The following DENND2A variants were observed in gnomAD, a reference collection of about 807,000 sequenced individuals.
The protein encoded by DENND2A is DENN domain containing 2A, also known as DENN domain-containing protein 2A.
DENND2A carries 53 observed loss-of-function variants against 105.3 expected under a neutral mutation model. The ratio of observed to expected loss-of-function variants is 0.50; its 90% CI spans 0.40 to 0.63. The LOEUF is 0.63. DENND2A is among the 30% of genes least tolerant of loss of function. The pLI is 0.00. For synonymous variants in DENND2A, 522 were observed against 508.4 expected (o/e 1.03, Z -0.36); for missense variants, 1,138 against 1,279.6 (o/e 0.89, Z 1.69).
chr7:140,634,577 T>G (rs780809581), intron 1 of DENND2A, among the ~76,000 whole-genome samples: 35 of 152,084 alleles, frequency 2.3e-4, no homozygotes, highest in Non-Finnish European at 4.4e-4. Flanking sequence ...AAATTAGAAA[T>G]TTAAAATTTT....
At chr7:140,571,086 T>C (rs538329361) in intron 6 of DENND2A, among the ~76,000 whole-genome samples, 70 of 152,350 alleles carry the variant, frequency 4.6e-4, no homozygotes, top group African/African-American at 1.5e-3. Flanking sequence ...AAATGTTATA[T>C]AACACTTTTA....
chr7:140,591,671 C>CTCTTTCTTTCTTTCTTTCTT (rs890090370), intron 3 of DENND2A, among the ~76,000 whole-genome samples: 5 of 146,234 alleles, frequency 3.4e-5, no homozygotes, highest in African/African-American at 1.0e-4. Context: ...TTCTTTCTTT[C>CTCTTTCTTTCTTTCTTTCTT]TCTTTCTTTC....
At chr7:140,540,361 G>A (rs140774922) in intron 14 of DENND2A, among the ~76,000 whole-genome samples, 43 of 152,382 alleles carry the variant, frequency 2.8e-4, no homozygotes, top group African/African-American at 7.9e-4. Context: ...ACCCACTCAC[G>A]GCATGAGCCG....
chr7:140,555,780 G>C, intron 11 of DENND2A, 67 bp from the exon 12 acceptor site: 1 of 1,411,440 alleles, frequency 7.1e-7, no homozygotes, highest in Non-Finnish European at 9.7e-7. Context: ...GAACCCACAT[G>C]TTTTTTGCGA....
chr7:140,566,312 G>A (rs555161507), intron 9 of DENND2A, among the ~76,000 whole-genome samples: 44 of 152,268 alleles, frequency 2.9e-4, no homozygotes, highest in African/African-American at 9.1e-4. Flanking sequence ...GATTACAGGT[G>A]TGAGTCACCG....
chr7:140,573,049 T>C (rs188707418), intron 6 of DENND2A, among the ~76,000 whole-genome samples: 39 of 152,300 alleles, frequency 2.6e-4, no homozygotes, highest in Admixed American at 6.5e-4. Flanking sequence ...TGGTTACTTT[T>C]CCACAATTGC....
intron 8 of DENND2A, 38 bp from the exon 9 acceptor site, chr7:140,567,311 AG>A: frequency 7.7e-7 from 1 of 1,306,812 alleles, no homozygotes; most frequent in Non-Finnish European, 1.0e-6. Flanking sequence ...AGAAAGAGAG[AG>A]AGAGAGAGAG....
chr7:140,612,665 C>T (rs941854894), intron 1 of DENND2A, among the ~76,000 whole-genome samples: 2 of 152,046 alleles, frequency 1.3e-5, no homozygotes, highest in Non-Finnish European at 2.9e-5. Context: ...CCACACCTGG[C>T]TAATTTTTGT....
At chr7:140,525,392 T>C (rs1796022177) in intron 16 of DENND2A, among the ~76,000 whole-genome samples, 1 of 152,160 alleles carries the variant, frequency 6.6e-6, no homozygotes, top group African/African-American at 2.4e-5. Flanking sequence ...TGACCTCAGG[T>C]GATCCACCTG....
chr7:140,620,972 C>A (rs1297995614), intron 1 of DENND2A, among the ~76,000 whole-genome samples: 2 of 152,134 alleles, frequency 1.3e-5, no homozygotes, highest in Non-Finnish European at 2.9e-5. Flanking sequence ...ATGCTCAAGT[C>A]CCATAAAAAT....
At chr7:140,593,911 T>C (rs549530429) in intron 3 of DENND2A, among the ~76,000 whole-genome samples, 70 of 152,076 alleles carry the variant, frequency 4.6e-4, no homozygotes, top group African/African-American at 1.6e-3. Flanking sequence ...TTTTTTTTTT[T>C]TTCTTTTTTC....
chr7:140,522,093 C>T lies in DENND2A; in HGVS notation c.2673G>A (p.Glu891=). Residue 891 remains glutamate, a synonymous_variant, in exon 18 of 20, where the codon GAG becomes GAA. Coordinates refer to ENST00000496613, the MANE Select transcript of DENND2A (RefSeq NM_015689.5). ...EGPLDGRHGP[E]SSPLNEVVSE... The stretch of plus-strand genomic sequence containing the variant: ...ACACCACCTCGTTCAAGGGGCTGGA[C>T]TCTGGACCTGAGTAAGGGGAGGAAA... 1.2e-6 allele frequency: 2 copies of T among 1,614,090 alleles called. No homozygotes were observed. The highest frequency in any genetic ancestry group is 1.1e-5 in the South Asian group (1 of 91,074).
At chr7:140,586,376 C>A (rs1798782992) in intron 4 of DENND2A, among the ~76,000 whole-genome samples, 1 of 143,278 alleles carries the variant, frequency 7.0e-6, no homozygotes, top group African/African-American at 2.9e-5. Flanking sequence ...AACACACACA[C>A]ACACACACAC....
chr7:140,594,440 G>A (rs980855581), intron 3 of DENND2A, among the ~76,000 whole-genome samples: 1 of 152,006 alleles, frequency 6.6e-6, no homozygotes, highest in African/African-American at 2.4e-5. Flanking sequence ...CAAACTGAAC[G>A]TCCACTCCCC....
chr7:140,563,914 G>A (rs1373076465), intron 9 of DENND2A, among the ~76,000 whole-genome samples: 1 of 152,152 alleles, frequency 6.6e-6, no homozygotes, highest in Non-Finnish European at 1.5e-5. Flanking sequence ...AGGAGGTTGA[G>A]GCTGCAGTGA....
At chr7:140,567,300 G>C (rs754484704) in intron 8 of DENND2A, 27 bp from the exon 9 acceptor site, 3 of 1,005,298 alleles carry the variant, frequency 3.0e-6, no homozygotes, top group Non-Finnish European at 4.0e-6. Context: ...GAGAGAAAGA[G>C]AGAAAGAGAG....
intron 14 of DENND2A, among the ~76,000 whole-genome samples, chr7:140,542,638 C>T (rs1222774114): frequency 6.8e-6 from 1 of 146,636 alleles, no homozygotes; most frequent in African/African-American, 2.5e-5. Context: ...AATCTCAGCT[C>T]ACTGTAACCT....
chr7:140,608,939 T>C (rs1246913747), intron 1 of DENND2A, among the ~76,000 whole-genome samples: 1 of 152,128 alleles, frequency 6.6e-6, no homozygotes, highest in Non-Finnish European at 1.5e-5. Flanking sequence ...TGCTCTGGAA[T>C]CTGCATTTAA....
chr7:140,616,406 A>G (rs1800087834), intron 1 of DENND2A, among the ~76,000 whole-genome samples: 1 of 152,166 alleles, frequency 6.6e-6, no homozygotes, highest in Non-Finnish European at 1.5e-5. Flanking sequence ...GACAGAAAGT[A>G]GATTAGTGGT....
Sources: gnomAD v4.1 joint callset for allele counts (sites outside exome capture counted in the v4.1 genomes callset) on GRCh38, gnomAD v4.1.1 for gene constraint, MANE v1.5 for transcripts, NCBI Gene and HGNC (gene_info 2026-07-23, HGNC 2026-07-21) for gene names.